The following KIF1A variants were observed in gnomAD, a reference collection of about 807,000 sequenced individuals.
The protein encoded by KIF1A is kinesin-like protein KIF1A.
A neutral mutation model predicts 227.3 loss-of-function variants in KIF1A; 46 were observed. That is an observed-to-expected ratio of 0.20 (90% CI 0.16 to 0.26). The LOEUF (loss-of-function observed/expected upper bound fraction) is 0.26. KIF1A is among the 10% of genes least tolerant of loss of function. The pLI, the probability that KIF1A is intolerant of heterozygous loss-of-function variation, is 1.00. For missense variants in KIF1A, 1,683 were observed against 2,485.9 expected (o/e 0.68, Z 6.87); for synonymous variants, 1,022 against 1,012.8 (o/e 1.01, Z -0.17).
chr2:240,721,075 AG>A, intron 44 of KIF1A, 37 bp from the exon 45 acceptor site: 2 of 1,608,586 alleles, frequency 1.2e-6, no homozygotes, highest in Non-Finnish European at 1.7e-6. Flanking sequence ...GACACAGGGA[AG>A]GGGGGTCTCC....
intron 1 of KIF1A, among the ~76,000 whole-genome samples, chr2:240,807,116 G>GTATATA (rs1265497846): frequency 1.4e-5 from 2 of 139,696 alleles, no homozygotes; most frequent in African/African-American, 5.4e-5. Flanking sequence ...GTGTGTGTGT[G>GTATATA]TGTGTGTGTG....
Position 240,714,903 on chromosome 2 carries a change from T to G in KIF1A, c.*2461A>C, listed in dbSNP as rs1438250252. On this transcript the variant is annotated 3_prime_UTR_variant, in exon 49 of 49. Coordinates refer to ENST00000498729, the MANE Select transcript of KIF1A (RefSeq NM_001244008.2). ...AGAGGACACAGCCAGGCAGTCTCCA[T>G]GGCAGTGGAGGCTTCTGAATTTAGG... 2 of 152,340 alleles carry G rather than the reference T, an allele frequency of 1.3e-5. No homozygotes were observed. 9.4% of individuals were successfully genotyped at this position (152,340 alleles called of 1,614,324 possible).
Position 240,788,227 on chromosome 2 carries a change from C to T in KIF1A, c.187G>A (p.Glu63Lys). 1 of 1,613,646 alleles carries T rather than the reference C, an allele frequency of 6.2e-7. No individual in the cohort carries two copies. The highest frequency in any genetic ancestry group is 8.5e-7 in the Non-Finnish European group (1 of 1,179,812). ...TTCTGCGACGCGTAGTTGATGTCCT[C>T]AGGCTGGAGGACGAGGAAGGAATGA... ...DYSYWSHTSP[E>K]DINYASQKQV... is the part of the protein sequence containing the mutation. Residue 63 changes from glutamate to lysine, a missense_variant, in exon 4 of 49, where the codon GAG (glutamate) becomes AAG (lysine). Physicochemically the swap from Glu to Lys is moderately conservative, Grantham distance 56. Transcript: ENST00000498729. The surrounding 1 kb of genome is among the most constrained non-coding windows in gnomAD (Gnocchi z 6.6).
intron 43 of KIF1A, 81 bp from the exon 44 acceptor site, chr2:240,721,965 C>A: frequency 8.4e-7 from 1 of 1,186,978 alleles, no homozygotes; most frequent in Middle Eastern, 2.0e-4. Context: ...CTTCTACCCA[C>A]CCCTCCCCAG....
rs1036859939 is a variant in KIF1A, at chr2:240,758,208, C to T, written c.2582+152G>A. Among the ~76,000 whole-genome samples the T allele has an allele frequency of 8.5e-5, 13 of 152,148 alleles. No individual in the cohort carries two copies. Among genetic ancestry groups the T allele is most frequent in the African/African-American group, 3.1e-4 (13 of 41,432 alleles). On this transcript the variant is annotated intron_variant, in intron 26 of 48. Coordinates refer to ENST00000498729, the MANE Select transcript of KIF1A (RefSeq NM_001244008.2). This position sits in a 1 kb window ranked among gnomAD's most constrained non-coding sequence, Gnocchi z 5.2. ...TGTGGAGAGGAATGGCTGGGAGGAACCTCAGGCCAGGGAGGACAGGGCTGG... is the reference window on the plus strand; with the variant it reads ...TGTGGAGAGGAATGGCTGGGAGGAATCTCAGGCCAGGGAGGACAGGGCTGG...
At chr2:240,772,623 GGGGAGA>G in intron 13 of KIF1A, 27 bp from the exon 14 acceptor site, 2 of 1,522,358 alleles carry the variant, frequency 1.3e-6, no homozygotes, top group Non-Finnish European at 1.8e-6. Flanking sequence ...CGTGGGGGAG[GGGGAGA>G]GACAGAGAAA....
chr2:240,801,059 T>C (rs990270950), intron 1 of KIF1A, among the ~76,000 whole-genome samples: 1 of 152,092 alleles, frequency 6.6e-6, no homozygotes, highest in East Asian at 1.9e-4. Flanking sequence ...ATTCTTTTAA[T>C]AGGCAATGTG....
At chr2:240,817,964 C>A (rs2058447784) in intron 1 of KIF1A, among the ~76,000 whole-genome samples, 1 of 152,230 alleles carries the variant, frequency 6.6e-6, no homozygotes, top group Non-Finnish European at 1.5e-5. Flanking sequence ...GGGCTTTGGG[C>A]AGAACTCCAG....
chr2:240,727,000 C>G lies in KIF1A; in HGVS notation c.4008-60G>C. The G allele has an allele frequency of 9.8e-7, 1 of 1,016,218 alleles. No individual in the cohort carries two copies. The highest frequency in any genetic ancestry group is 1.5e-6 in the Non-Finnish European group (1 of 670,928). 63.0% of individuals were successfully genotyped at this position (1,016,218 alleles called of 1,614,324 possible). A position where few individuals can be genotyped will look rare whatever the true frequency, so the allele number is the denominator to read the frequency against. ...GCGTGGGGGCTGCTTTCAGCCAGGCCGGGGACATGCAGACAGACAGAGCGA... is the reference window on the plus strand; with the variant it reads ...GCGTGGGGGCTGCTTTCAGCCAGGCGGGGGACATGCAGACAGACAGAGCGA... On this transcript the variant is annotated intron_variant, in intron 38 of 48. Transcript: ENST00000498729. The surrounding 1 kb of genome is among the most constrained non-coding windows in gnomAD (Gnocchi z 5.2).
intron 1 of KIF1A, among the ~76,000 whole-genome samples, chr2:240,807,110 G>A (rs539806011): frequency 0.039 from 3,758 of 95,300 alleles, 177 homozygotes; most frequent in African/African-American, 0.14. Flanking sequence ...GTGTGTGTGT[G>A]TGTGTGTGTG....
chr2:240,783,010 G>A (rs773816750), intron 9 of KIF1A, 34 bp downstream of exon 9: 1 of 1,558,674 alleles, frequency 6.4e-7, no homozygotes, highest in Admixed American at 1.7e-5. Context: ...ACCCTCTGGG[G>A]TTCTGGCTAT....
chr2:240,764,874 C>T (rs1238261928), intron 20 of KIF1A, among the ~76,000 whole-genome samples: 2 of 152,154 alleles, frequency 1.3e-5, no homozygotes, highest in African/African-American at 2.4e-5. Context: ...CGGATGGAGT[C>T]CACTCCTGCC....
chr2:240,800,783 A>G (rs1337607384), intron 1 of KIF1A, among the ~76,000 whole-genome samples: 1 of 152,228 alleles, frequency 6.6e-6, no homozygotes, highest in East Asian at 1.9e-4. Flanking sequence ...GGAAGGAACA[A>G]AGATTTGAGT....
chr2:240,786,826 G>A (rs1213709436), intron 5 of KIF1A, among the ~76,000 whole-genome samples: 2 of 148,622 alleles, frequency 1.3e-5, no homozygotes, highest in Non-Finnish European at 2.9e-5. Context: ...CTGAGTGAGA[G>A]GGTGGGGGCT....
At chr2:240,747,064 C>T (rs374994229) in intron 29 of KIF1A, among the ~76,000 whole-genome samples, 172 bp downstream of exon 29, 12 of 152,188 alleles carry the variant, frequency 7.9e-5, no homozygotes, top group African/African-American at 2.4e-4. Context: ...GGAAAAGGGG[C>T]GCAGTGTGCT....
At position 240,747,292 on chromosome 2, in the gene KIF1A, C is replaced by G; in HGVS notation, c.3007G>C (p.Gly1003Arg). The change falls in exon 29 of 49, where the codon GGC becomes CGC. Residue 1003 changes from glycine to arginine, a missense_variant. By Grantham distance (125) the Gly-to-Arg change is moderately radical (BLOSUM62 -2). This residue lies in a region of KIF1A where 759 missense variants were observed against 1,020.2 expected (regional missense o/e 0.74). Coordinates refer to ENST00000498729, the MANE Select transcript of KIF1A (RefSeq NM_001244008.2). ...TTAGCAGTTCCCGACTGGCGGACGC[C>G]AGAGCCATAATCAGGGGCCTCTTCA... ...ADEEAPDYGS[G>R]VRQSGTAKIS... 1 of 1,613,516 alleles carries G rather than the reference C, an allele frequency of 6.2e-7. No homozygotes were observed. The highest frequency in any genetic ancestry group is 8.5e-7 in the Non-Finnish European group (1 of 1,179,658).
At chr2:240,791,151 G>A (rs2055616121) in intron 2 of KIF1A, among the ~76,000 whole-genome samples, 2 of 152,102 alleles carry the variant, frequency 1.3e-5, no homozygotes, top group Admixed American at 6.5e-5. Context: ...GAGGGGCCAC[G>A]TCCGTGCTAT....
chr2:240,745,547 G>T (rs377114886), intron 31 of KIF1A, 30 bp from the exon 32 acceptor site: 30 of 1,577,570 alleles, frequency 1.9e-5, no homozygotes, highest in Non-Finnish European at 2.4e-5. Context: ...CTTTGGTGTG[G>T]GGTGGGGGAC....
In KIF1A at chr2:240,725,455, G is replaced by A. The variant is rs2045902820; in HGVS notation, c.4123-51C>T. The A allele has an allele frequency of 1.3e-6, 2 of 1,596,664 alleles. No homozygotes were observed. Among genetic ancestry groups the A allele is most frequent in the Admixed American group, 3.4e-5 (2 of 58,990 alleles). ...GGCACAAGGACACCCCGAGTGCCCAGGTGCCCTTCCAGCCTTCTCCTGGGG... is the reference window on the plus strand; with the variant it reads ...GGCACAAGGACACCCCGAGTGCCCAAGTGCCCTTCCAGCCTTCTCCTGGGG... On this transcript the variant is annotated intron_variant, in intron 39 of 48. Transcript: ENST00000498729. This position sits in a 1 kb window ranked among gnomAD's most constrained non-coding sequence, Gnocchi z 5.8.
Sources: gnomAD v4.1 joint callset for allele counts (sites outside exome capture counted in the v4.1 genomes callset) on GRCh38, gnomAD v4.1.1 for gene constraint, gnomAD v4.1.1 regional missense constraint, Gnocchi (gnomAD v3.1) non-coding constraint, MANE v1.5 for transcripts, NCBI Gene and HGNC (gene_info 2026-07-23, HGNC 2026-07-21) for gene names.